Variants in KIAA1217 observed in about 807,000 individuals in gnomAD.
KIAA1217 encodes the protein sickle tail protein homolog.
In KIAA1217, 88 loss-of-function variants were observed where a neutral mutation model predicts 163.9. That is an observed-to-expected ratio of 0.54 (90% CI 0.45 to 0.64). KIAA1217 has a LOEUF of 0.64. KIAA1217 is among the 30% of genes least tolerant of loss of function. The pLI, the probability that KIAA1217 is intolerant of heterozygous loss-of-function variation, is 0.00. For synonymous variants in KIAA1217, 903 were observed against 923.1 expected, an observed-to-expected ratio of 0.98 and a Z score of 0.39; for missense variants, 2,372 against 2,475.0, an observed-to-expected ratio of 0.96 and a Z score of 0.88.
At chr10:23,868,947 A>T (rs116560838) in intron 1 of KIAA1217, among the ~76,000 whole-genome samples, 512 of 152,224 alleles carry the variant, frequency 3.4e-3, no homozygotes, top group African/African-American at 0.012. Context: ...AAAGTGAATG[A>T]ATATTAAACA....
chr10:23,817,286 ACTT>A (rs1178393460), intron 1 of KIAA1217, among the ~76,000 whole-genome samples: 2 of 152,168 alleles, frequency 1.3e-5, no homozygotes, highest in African/African-American at 2.4e-5. Flanking sequence ...TATACAAATG[ACTT>A]CTTCTTCAGA....
rs1239772298 is a variant in KIAA1217, at chr10:24,048,739, A to T, written c.-171+41365A>T. ...AGCAAGACTCTGTCTCAAAAAAAAAAAAAAATATATTGGCCGGGCGCAGTG... is the reference window on the plus strand; with the variant it reads ...AGCAAGACTCTGTCTCAAAAAAAAATAAAAATATATTGGCCGGGCGCAGTG... On this transcript the variant is annotated intron_variant, in intron 2 of 18. Transcript: ENST00000376462. Among the ~76,000 whole-genome samples the T allele has an allele frequency of 7.6e-3, 1,136 of 150,410 alleles. 12 individuals are homozygous for T. The highest frequency in any genetic ancestry group is 0.026 in the African/African-American group (1,069 of 40,724).
At chr10:23,753,797 C>T (rs943728210) in intron 1 of KIAA1217, among the ~76,000 whole-genome samples, 4 of 152,180 alleles carry the variant, frequency 2.6e-5, no homozygotes, top group African/African-American at 9.7e-5. Flanking sequence ...GAAGAACCAT[C>T]ACGTCTCCTG....
At chr10:23,908,889 G>A (rs193140995) in intron 1 of KIAA1217, among the ~76,000 whole-genome samples, 11 of 152,240 alleles carry the variant, frequency 7.2e-5, no homozygotes, top group Admixed American at 7.2e-4. Flanking sequence ...GTTACTGGGT[G>A]TATACCTTGA....
At chr10:24,288,647 G>A (rs1006657200) in intron 2 of KIAA1217, among the ~76,000 whole-genome samples, 4 of 152,214 alleles carry the variant, frequency 2.6e-5, no homozygotes, top group African/African-American at 9.6e-5. Flanking sequence ...AAAAGGATAA[G>A]AGGCAGTTTG....
intron 2 of KIAA1217, among the ~76,000 whole-genome samples, chr10:24,347,160 G>T (rs564145074): frequency 1.3e-5 from 2 of 152,136 alleles, no homozygotes; most frequent in Non-Finnish European, 2.9e-5. Flanking sequence ...AAAGATAAAG[G>T]TCGCAACCAC....
chr10:24,020,708 G>A (rs896595555), intron 2 of KIAA1217, among the ~76,000 whole-genome samples: 2 of 151,982 alleles, frequency 1.3e-5, no homozygotes, highest in African/African-American at 4.8e-5. Context: ...GAGCTGAGAA[G>A]ACACAGGGAT....
chr10:24,315,186 T>C (rs1401180189), intron 2 of KIAA1217, among the ~76,000 whole-genome samples: 3 of 152,006 alleles, frequency 2.0e-5, no homozygotes, highest in Non-Finnish European at 2.9e-5. Flanking sequence ...CACAGAAACA[T>C]GTTCAGTTGC....
intron 2 of KIAA1217, among the ~76,000 whole-genome samples, chr10:24,226,472 A>G (rs536450257): frequency 3.3e-5 from 5 of 151,806 alleles, no homozygotes; most frequent in Admixed American, 6.6e-5. Flanking sequence ...TAAAAAAAAA[A>G]AAATACAAAA....
chr10:24,262,162 C>T (rs1423904534), intron 2 of KIAA1217, among the ~76,000 whole-genome samples: 5 of 152,122 alleles, frequency 3.3e-5, no homozygotes, highest in African/African-American at 9.7e-5. Context: ...AAGGCTACGA[C>T]GGGTTGCATT....
chr10:24,154,272 A>T (rs573757768), intron 2 of KIAA1217, among the ~76,000 whole-genome samples: 100 of 151,868 alleles, frequency 6.6e-4, no homozygotes, highest in African/African-American at 1.5e-3. Flanking sequence ...ATAATTTTTT[A>T]AAAAAAGTAG....
At chr10:24,216,654 C>G (rs1458914941) in intron 1 of KIAA1217, among the ~76,000 whole-genome samples, 1 of 151,422 alleles carries the variant, frequency 6.6e-6, no homozygotes, top group Non-Finnish European at 1.5e-5. Context: ...TGGTGAAACC[C>G]CATCTCTATT....
intron 2 of KIAA1217, among the ~76,000 whole-genome samples, chr10:24,221,245 G>A (rs1247258852): frequency 6.6e-6 from 1 of 151,992 alleles, no homozygotes; most frequent in Non-Finnish European, 1.5e-5. Context: ...GCAAGTTTGG[G>A]GTCACAGGAG....
intron 11 of KIAA1217, among the ~76,000 whole-genome samples, chr10:24,521,236 A>G (rs2071227271): frequency 6.6e-6 from 1 of 151,910 alleles, no homozygotes; most frequent in Admixed American, 6.6e-5. Context: ...CAGCTGAGGC[A>G]GGAGAATTAC....
chr10:23,903,872 G>C (rs1029027002), intron 1 of KIAA1217, among the ~76,000 whole-genome samples: 11 of 152,166 alleles, frequency 7.2e-5, no homozygotes, highest in African/African-American at 2.6e-4. Context: ...AAATGAAAAA[G>C]AAATGATTTC....
chr10:24,194,463 G>A (rs1342128827), intron 2 of KIAA1217, among the ~76,000 whole-genome samples: 2 of 150,030 alleles, frequency 1.3e-5, no homozygotes, highest in East Asian at 2.0e-4. Flanking sequence ...CTGGGACTAC[G>A]GACACTTGCC....
At chr10:24,545,732 T>C in intron 20 of KIAA1217, 95 bp from the exon 21 acceptor site, 2 of 1,517,452 alleles carry the variant, frequency 1.3e-6, no homozygotes, top group Non-Finnish European at 1.8e-6. Flanking sequence ...TTTCTTTGAT[T>C]GAATTATTCT....
chr10:23,722,132 T>TA (rs1464109477), intron 1 of KIAA1217, among the ~76,000 whole-genome samples: 2 of 152,146 alleles, frequency 1.3e-5, no homozygotes, highest in African/African-American at 2.4e-5. Context: ...ATGAGTTACT[T>TA]AGAGTAGTCA....
At chr10:24,494,441 C>T in intron 6 of KIAA1217, 59 bp from the exon 7 acceptor site, 1 of 1,427,568 alleles carries the variant, frequency 7.0e-7, no homozygotes, top group Admixed American at 1.7e-5. Context: ...GTGCATTCAC[C>T]CGGACAAACT....
Sources: gnomAD v4.1 joint callset for allele counts (sites outside exome capture counted in the v4.1 genomes callset) on GRCh38, gnomAD v4.1.1 for gene constraint, MANE v1.5 for transcripts, NCBI Gene and HGNC (gene_info 2026-07-23, HGNC 2026-07-21) for gene names.